The following TBCD variants were observed in gnomAD, a reference collection of about 807,000 sequenced individuals.
TBCD encodes the protein tubulin folding cofactor D.
In TBCD, 105 loss-of-function variants were observed where a neutral mutation model predicts 169.3. That is an observed-to-expected ratio of 0.62 (90% CI 0.53 to 0.73). The LOEUF (loss-of-function observed/expected upper bound fraction) is 0.73, where lower values mean the gene tolerates loss of function less well. Ranked by LOEUF, TBCD falls within the 30% of genes least tolerant of loss-of-function variation. The pLI is 0.00. For missense variants in TBCD, 1,444 were observed against 1,600.1 expected, an observed-to-expected ratio of 0.90 and a Z score of 1.66; for synonymous variants, 700 against 643.9, an observed-to-expected ratio of 1.09 and a Z score of -1.32.
intron 13 of TBCD, among the ~76,000 whole-genome samples, chr17:82,855,884 C>T (rs754198843): frequency 6.6e-6 from 1 of 151,760 alleles, no homozygotes; most frequent in Non-Finnish European, 1.5e-5. Context: ...ATGGAGTCTG[C>T]AATGCGTGAC....
At chr17:82,939,181 T>C in intron 36 of TBCD, 186 bp from the exon 37 acceptor site, 1 of 617,652 alleles carries the variant, frequency 1.6e-6, no homozygotes, top group Middle Eastern at 4.1e-4. Context: ...AGGGAGGAGG[T>C]GGTTAATGGG....
At position 82,942,847 on chromosome 17, in the gene TBCD, TGGGAGAC is replaced by T. The variant is rs1321937427; in HGVS notation, c.*386_*392del. On this transcript the variant is annotated 3_prime_UTR_variant, in exon 39 of 39. Coordinates refer to ENST00000355528, the MANE Select transcript of TBCD (RefSeq NM_005993.5). ...TTCTTGCCTGGTGCTGTCCCTGCTG[TGGGAGAC>T]GTCTGGCCACAGGCAGTGCCCCACC... The T allele has an allele frequency of 3.1e-6, 1 of 321,218 alleles. No individual in the cohort carries two copies. The highest frequency in any genetic ancestry group is 5.8e-6 in the Non-Finnish European group (1 of 173,798). 19.9% of individuals were successfully genotyped at this position (321,218 alleles called of 1,614,324 possible).
chr17:82,933,469 G>A (rs924811173), intron 34 of TBCD, among the ~76,000 whole-genome samples: 9 of 151,986 alleles, frequency 5.9e-5, no homozygotes, highest in African/African-American at 2.2e-4. Flanking sequence ...TCCCAGGCTG[G>A]TCTTGAACTC....
Position 82,810,958 on chromosome 17 carries a change from C to T in TBCD, c.1223+1176C>T, listed in dbSNP as rs953576808. The stretch of plus-strand genomic sequence containing the variant: ...AGCACAGGAAACAATGTGTCAGATA[C>T]GGGTCATGTTTTTCAGAGCAGTGTG... On this transcript the variant is annotated intron_variant, in intron 12 of 38. Transcript: ENST00000355528. 4.6e-5 allele frequency among the ~76,000 whole-genome samples: 7 copies of T among 152,206 alleles called. No homozygotes were observed. In the South Asian group the frequency reaches 8.3e-4, roughly 18 times the overall value.
intron 13 of TBCD, among the ~76,000 whole-genome samples, chr17:82,856,806 G>C (rs1229243236): frequency 1.5e-5 from 2 of 134,806 alleles, no homozygotes; most frequent in African/African-American, 5.7e-5. Flanking sequence ...TGCGCATCCA[G>C]GGCGGGATCG....
intron 18 of TBCD, among the ~76,000 whole-genome samples, chr17:82,901,118 G>C (rs937649370): frequency 1.3e-5 from 2 of 152,252 alleles, no homozygotes; most frequent in East Asian, 3.8e-4. Context: ...GCTGTCTCCT[G>C]GGAGCCCAGC....
intron 14 of TBCD, among the ~76,000 whole-genome samples, chr17:82,871,791 G>T (rs1287336058): frequency 2.0e-5 from 3 of 152,210 alleles, no homozygotes; most frequent in South Asian, 2.1e-4. Flanking sequence ...TTGGCCTGGG[G>T]CCCGCTTGGC....
chr17:82,757,468 A>G (rs1226327033), intron 2 of TBCD, among the ~76,000 whole-genome samples: 6 of 151,954 alleles, frequency 3.9e-5, no homozygotes, highest in Non-Finnish European at 8.8e-5. Flanking sequence ...TAATAATACA[A>G]AACGTTAGCT....
At chr17:82,862,201 C>A (rs551494963) in intron 13 of TBCD, among the ~76,000 whole-genome samples, 1 of 152,100 alleles carries the variant, frequency 6.6e-6, no homozygotes, top group Non-Finnish European at 1.5e-5. Context: ...GGATTACAGG[C>A]GTGAGCCACT....
At chr17:82,792,580 G>C (rs2049824566) in intron 7 of TBCD, among the ~76,000 whole-genome samples, 1 of 152,172 alleles carries the variant, frequency 6.6e-6, no homozygotes, top group Admixed American at 6.5e-5. Context: ...CTCTCTTTGA[G>C]AGCTGTGTTG....
rs187738824 is a variant in TBCD, at chr17:82,923,683, G to T, written c.2210G>T (p.Cys737Phe). The T allele has an allele frequency of 6.3e-7, 1 of 1,595,610 alleles. No homozygotes were observed. Among genetic ancestry groups the T allele is most frequent in the South Asian group, 1.1e-5 (1 of 87,766 alleles). The change falls in exon 26 of 39, where the codon TGC becomes TTC. Residue 737 changes from cysteine (C) to phenylalanine (F), a missense_variant. Transcript: ENST00000355528. This position sits in a 1 kb window ranked among gnomAD's most constrained non-coding sequence, Gnocchi z 4.6. ...DAAVSALAAL[C>F]SEYYMKEPGE... ...GCAGTCTCGGCCCTGGCTGCTCTATGCAGTGAATATTACATGAAGGAGCCG... is the reference window on the plus strand; with the variant it reads ...GCAGTCTCGGCCCTGGCTGCTCTATTCAGTGAATATTACATGAAGGAGCCG...
intron 5 of TBCD, among the ~76,000 whole-genome samples, 172 bp downstream of exon 5, chr17:82,768,738 G>A (rs1198884236): frequency 6.6e-6 from 1 of 152,156 alleles, no homozygotes; most frequent in Non-Finnish European, 1.5e-5. Flanking sequence ...AATTCATGTA[G>A]GGGTCAGGTT....
Position 82,890,884 on chromosome 17 carries a change from G to GA in TBCD, c.1563+1188dup, listed in dbSNP as rs532992614. ...AACGAGGTTTGGTCTTTTGAGTGGA[G>GA]AGTGTGGCTGCTGTGAGGAAGAAGG... On this transcript the variant is annotated intron_variant, in intron 16 of 38. Coordinates refer to ENST00000355528, the MANE Select transcript of TBCD (RefSeq NM_005993.5). This position sits in a 1 kb window ranked among gnomAD's most constrained non-coding sequence, Gnocchi z 5.3. 2.0e-4 allele frequency among the ~76,000 whole-genome samples: 30 copies of GA among 152,340 alleles called. No individual in the cohort carries two copies. The highest frequency in any genetic ancestry group is 6.0e-4 in the African/African-American group (25 of 41,590).
At chr17:82,878,107 C>T (rs146611391) in intron 14 of TBCD, among the ~76,000 whole-genome samples, 1 of 152,326 alleles carries the variant, frequency 6.6e-6, no homozygotes, top group East Asian at 1.9e-4. Flanking sequence ...GAACATCTCA[C>T]ATTTGGAAGC....
chr17:82,830,580 A>C (rs756841788), intron 13 of TBCD: 24 of 1,614,074 alleles, frequency 1.5e-5, no homozygotes, highest in Non-Finnish European at 1.7e-5. Context: ...GAACAGCAGC[A>C]GCAGGTTCTG....
intron 14 of TBCD, among the ~76,000 whole-genome samples, chr17:82,872,105 G>A (rs1173127251): frequency 6.6e-6 from 1 of 152,226 alleles, no homozygotes; most frequent in Non-Finnish European, 1.5e-5. Flanking sequence ...CGTGGCCAGC[G>A]TCTCATAGTC....
At chr17:82,821,913 A>G (rs905700564) in intron 13 of TBCD, among the ~76,000 whole-genome samples, 7 of 152,236 alleles carry the variant, frequency 4.6e-5, no homozygotes, top group African/African-American at 1.4e-4. Context: ...AAATTTTAAT[A>G]AACATTAAAT....
chr17:82,905,912 C>T, intron 19 of TBCD, 24 bp from the exon 20 acceptor site: 3 of 1,580,028 alleles, frequency 1.9e-6, no homozygotes, highest in Non-Finnish European at 1.7e-6. Context: ...CCCTCACCTG[C>T]CCTCTCGGCC....
chr17:82,865,634 G>C, intron 13 of TBCD: 2 of 741,628 alleles, frequency 2.7e-6, no homozygotes, highest in Non-Finnish European at 3.3e-6. Flanking sequence ...TACATCTGCA[G>C]AAGTCCAGCA....
Sources: allele counts gnomAD v4.1 joint callset (sites outside exome capture counted in the v4.1 genomes callset), GRCh38; gene constraint gnomAD v4.1.1; non-coding constraint Gnocchi (gnomAD v3.1); transcripts MANE v1.5; gene names NCBI Gene and HGNC (gene_info 2026-07-23, HGNC 2026-07-21).